COL19A1: variants seen among roughly 807,000 people sequenced by gnomAD.
The protein encoded by COL19A1 is collagen type XIX alpha 1 chain.
A neutral mutation model predicts 190.2 loss-of-function variants in COL19A1; 159 were observed. The ratio of observed to expected loss-of-function variants is 0.84; its 90% CI spans 0.73 to 0.95. COL19A1 has a LOEUF of 0.95. Among genes scored for constraint, COL19A1 ranks in the 40% least tolerant of loss-of-function variants. COL19A1 has a pLI of 0.00. For missense variants in COL19A1, 1,418 were observed against 1,431.9 expected (o/e 0.99, Z 0.16); for synonymous variants, 509 against 458.9 (o/e 1.11, Z -1.39).
chr6:70,087,920 C>T (rs1395293955), intron 15 of COL19A1, among the ~76,000 whole-genome samples: 1 of 152,148 alleles, frequency 6.6e-6, no homozygotes. Context: ...AGTAGGTTGG[C>T]CTCAATAACA....
In COL19A1 at chr6:69,929,661, A is replaced by G. The variant is rs1232519893; in HGVS notation, c.627A>G (p.Thr209=). The change falls in exon 6 of 51, where the codon ACA becomes ACG. Residue 209 remains threonine, a synonymous_variant. Transcript: ENST00000620364. ...EKDTVDFHGR[T]VIATRASDGK... ...ACACTGTGGATTTCCATGGACGGAC[A>G]GTTATTGCTACGCGAGCTTCAGATG... The G allele has an allele frequency of 6.2e-7, 1 of 1,613,916 alleles. No homozygotes were observed. Among genetic ancestry groups the G allele is most frequent in the Non-Finnish European group, 8.5e-7 (1 of 1,179,866 alleles).
At chr6:70,100,301 G>C (rs1783544990) in intron 15 of COL19A1, among the ~76,000 whole-genome samples, 1 of 152,102 alleles carries the variant, frequency 6.6e-6, no homozygotes. Flanking sequence ...TTAGTCCTCA[G>C]AGGCGAATTT....
At chr6:69,869,830 C>A (rs1767715941) in intron 1 of COL19A1, among the ~76,000 whole-genome samples, 1 of 152,078 alleles carries the variant, frequency 6.6e-6, no homozygotes, top group Admixed American at 6.6e-5. Flanking sequence ...AAAGGGAATC[C>A]CAGGTTTGAG....
intron 16 of COL19A1, 81 bp downstream of exon 16, chr6:70,102,303 C>T (rs1783688309): frequency 3.9e-6 from 4 of 1,024,674 alleles, no homozygotes; most frequent in Middle Eastern, 2.0e-4. Context: ...ATTTTACTCC[C>T]CTGTAGATAA....
intron 1 of COL19A1, among the ~76,000 whole-genome samples, chr6:69,868,907 A>T (rs1318738632): frequency 1.3e-5 from 2 of 152,232 alleles, no homozygotes; most frequent in African/African-American, 2.4e-5. Context: ...GAAGATATGA[A>T]GTTAGAAACC....
At chr6:70,006,253 G>T (rs1221187258) in intron 11 of COL19A1, among the ~76,000 whole-genome samples, 4 of 152,208 alleles carry the variant, frequency 2.6e-5, no homozygotes, top group Non-Finnish European at 5.9e-5. Flanking sequence ...AATCTGCGCA[G>T]CTCTGGGGTT....
intron 16 of COL19A1, among the ~76,000 whole-genome samples, chr6:70,113,754 G>A (rs1211914356): frequency 6.7e-6 from 1 of 149,170 alleles, no homozygotes; most frequent in East Asian, 2.0e-4. Context: ...GAACTTCCTT[G>A]TGTCTCTGTG....
intron 5 of COL19A1, 62 bp from the exon 6 acceptor site, chr6:69,929,363 G>A: frequency 6.7e-7 from 1 of 1,501,468 alleles, no homozygotes; most frequent in Non-Finnish European, 9.0e-7. Context: ...TTTTCTTTGT[G>A]TGCTTTAATA....
intron 11 of COL19A1, among the ~76,000 whole-genome samples, chr6:69,975,643 C>T (rs1418806358): frequency 6.6e-6 from 1 of 152,170 alleles, no homozygotes; most frequent in Non-Finnish European, 1.5e-5. Flanking sequence ...TAACGTTAAA[C>T]TTTTGATTCT....
At chr6:70,201,370 G>A (rs1424547378) in intron 49 of COL19A1, among the ~76,000 whole-genome samples, 1 of 152,188 alleles carries the variant, frequency 6.6e-6, no homozygotes, top group Non-Finnish European at 1.5e-5. Context: ...TGTCAGTGAA[G>A]CTTTTGGAAA....
Position 69,879,805 on chromosome 6 carries a change from TC to T in COL19A1, c.91+150del, listed in dbSNP as rs1174744733. ...ATTCATTGCTTTCTTCCATTGATCTTCCCATGATGCACATTAGGAATTCCTA... is the reference window on the plus strand; with the variant it reads ...ATTCATTGCTTTCTTCCATTGATCTTCCATGATGCACATTAGGAATTCCTA... On this transcript the variant is annotated intron_variant, in intron 2 of 50. Transcript: ENST00000620364. The T allele has an allele frequency of 8.3e-6, 6 of 722,182 alleles. No individual in the cohort carries two copies. In the African/African-American group the frequency reaches 1.1e-4, roughly 13 times the overall value. The allele number at this position is 722,182 out of a possible 1,614,324, so 44.7% of individuals were successfully genotyped here.
chr6:69,909,631 A>C (rs2149984917), intron 4 of COL19A1, among the ~76,000 whole-genome samples: 1 of 152,268 alleles, frequency 6.6e-6, no homozygotes, highest in East Asian at 1.9e-4. Flanking sequence ...TAATTACATG[A>C]GATAATTTCT....
chr6:69,924,938 C>A (rs568756318), intron 4 of COL19A1, among the ~76,000 whole-genome samples: 22 of 151,890 alleles, frequency 1.4e-4, no homozygotes, highest in Non-Finnish European at 2.7e-4. Flanking sequence ...GGGTTGTTTG[C>A]TTTTTCTTGT....
intron 14 of COL19A1, among the ~76,000 whole-genome samples, chr6:70,044,555 G>A (rs914387035): frequency 2.2e-4 from 33 of 152,114 alleles, no homozygotes; most frequent in Admixed American, 2.0e-3. Flanking sequence ...GAACACTTGA[G>A]GCCATTGTAT....
At chr6:69,944,512 T>C (rs1353825960) in intron 9 of COL19A1, among the ~76,000 whole-genome samples, 1 of 152,148 alleles carries the variant, frequency 6.6e-6, no homozygotes, top group Non-Finnish European at 1.5e-5. Context: ...AATTAAATAA[T>C]ATTATATTGT....
chr6:69,902,661 G>A (rs901365751), intron 4 of COL19A1, among the ~76,000 whole-genome samples: 1 of 152,210 alleles, frequency 6.6e-6, no homozygotes, highest in Non-Finnish European at 1.5e-5. Flanking sequence ...TTTGGGTCCT[G>A]TACCTGTGCT....
chr6:69,994,700 A>T (rs1444746930), intron 11 of COL19A1, among the ~76,000 whole-genome samples: 19 of 152,286 alleles, frequency 1.2e-4, no homozygotes. Flanking sequence ...TGGATGTGGC[A>T]CCAGTTCCAA....
intron 13 of COL19A1, among the ~76,000 whole-genome samples, chr6:70,035,131 G>A (rs192385443): frequency 6.9e-4 from 105 of 152,274 alleles, no homozygotes; most frequent in African/African-American, 2.1e-3. Context: ...GGTACCCCAC[G>A]CTATACAGTA....
chr6:69,893,029 T>C (rs1769458883), intron 2 of COL19A1, among the ~76,000 whole-genome samples: 1 of 152,236 alleles, frequency 6.6e-6, no homozygotes, highest in South Asian at 2.1e-4. Context: ...CATAGGAGTA[T>C]ACCTTACTCA....
Sources: gnomAD v4.1 joint callset for allele counts (sites outside exome capture counted in the v4.1 genomes callset) on GRCh38, gnomAD v4.1.1 for gene constraint, MANE v1.5 for transcripts, NCBI Gene and HGNC (gene_info 2026-07-23, HGNC 2026-07-21) for gene names.